The following STEAP2 variants were observed in gnomAD, a reference collection of about 807,000 sequenced individuals.
STEAP2 encodes metalloreductase STEAP2.
Under a neutral mutation model 46.4 loss-of-function variants are expected in STEAP2, and 30 were observed. The observed-to-expected ratio is 0.65, with a 90% CI of 0.48 to 0.88. The LOEUF is 0.88. Among genes scored for constraint, STEAP2 ranks in the 40% least tolerant of loss-of-function variants. The pLI is 0.00. For synonymous variants in STEAP2, 180 were observed against 200.5 expected (o/e 0.90, Z 0.86); for missense variants, 513 against 579.3 (o/e 0.89, Z 1.18).
chr7:90,228,925 A>G (rs1795619955), intron 4 of STEAP2, among the ~76,000 whole-genome samples: 1 of 152,184 alleles, frequency 6.6e-6, no homozygotes, highest in African/African-American at 2.4e-5. Context: ...AGATGATGGT[A>G]TGATTGCCTT....
Position 90,232,530 on chromosome 7 carries a change from G to A in STEAP2, c.1379G>A (p.Arg460Gln), listed in dbSNP as rs748377577. 2.4e-5 allele frequency: 39 copies of A among 1,613,500 alleles called. No individual in the cohort carries two copies. The highest frequency in any genetic ancestry group is 2.3e-4 in the African/African-American group (17 of 74,868). The change falls in exon 6 of 6, where the codon CGA becomes CAA. Residue 460 changes from arginine to glutamine, a missense_variant. Physicochemically the swap from Arg to Gln is conservative, Grantham distance 43. Transcript: ENST00000394621. ...FLPCISRKLKRIKKGWEKSQF... is the reference protein window; with the variant it reads ...FLPCISRKLKQIKKGWEKSQF... ...CCATGTATAAGCCGAAAGCTAAAAC[G>A]AATTAAAAAAGGCTGGGAAAAGAGC...
In STEAP2 at chr7:90,236,433, G is replaced by C; in HGVS notation, c.*3809G>C. The C allele has an allele frequency of 1.0e-6, 1 of 991,626 alleles. No homozygotes were observed. The highest frequency in any genetic ancestry group is 1.2e-6 in the Non-Finnish European group (1 of 834,046). The allele number at this position is 991,626 out of a possible 1,614,324, so 61.4% of individuals were successfully genotyped here. On this transcript the variant is annotated 3_prime_UTR_variant, in exon 6 of 6. Transcript: ENST00000394621. ...TACATAGTATAACACACCTCACAGT[G>C]TTAAGATTTATATTGTGAAATGAGA...
In STEAP2 at chr7:90,227,251, C is replaced by A; in HGVS notation, c.773C>A (p.Thr258Asn). 1 of 1,613,894 alleles carries A rather than the reference C, an allele frequency of 6.2e-7. No homozygotes were observed. Among genetic ancestry groups the A allele is most frequent in the Non-Finnish European group, 8.5e-7 (1 of 1,179,872 alleles). The change falls in exon 4 of 6, where the codon ACC becomes AAC. Residue 258 changes from threonine to asparagine, a missense_variant. Coordinates refer to ENST00000394621, the MANE Select transcript of STEAP2 (RefSeq NM_001244944.2). ...YKIPIEIVNK[T>N]LPIVAITLLS... is the part of the protein sequence containing the mutation. ...ATTCCTATAGAGATTGTGAATAAAACCTTACCTATAGTTGCCATTACTTTG... is the reference window on the plus strand; with the variant it reads ...ATTCCTATAGAGATTGTGAATAAAAACTTACCTATAGTTGCCATTACTTTG...
downstream of STEAP2, chr7:90,238,133 C>G (rs1028238839): frequency 6.5e-5 from 40 of 611,898 alleles, 1 homozygote; most frequent in Non-Finnish European, 7.2e-5. Context: ...TAAAGAGTTT[C>G]TGCTGCTGCT....
chr7:90,219,779 G>A (rs968601735), intron 2 of STEAP2, among the ~76,000 whole-genome samples: 1 of 152,168 alleles, frequency 6.6e-6, no homozygotes, highest in African/African-American at 2.4e-5. Context: ...CCAGGAGGGA[G>A]TGCGGTTATG....
chr7:90,227,023 C>G lies in STEAP2; in HGVS notation c.545C>G (p.Ala182Gly). The change falls in exon 4 of 6, where the codon GCC becomes GGC. Residue 182 changes from alanine (A) to glycine (G), a missense_variant. By Grantham distance (60) the Ala-to-Gly change is moderately conservative (BLOSUM62 0). Coordinates refer to ENST00000394621, the MANE Select transcript of STEAP2 (RefSeq NM_001244944.2). ...IQARQQVIELARQLNFIPIDL... is the reference protein window; with the variant it reads ...IQARQQVIELGRQLNFIPIDL... ...GCGCGACAACAGGTTATTGAACTTG[C>G]CCGCCAGTTGAATTTCATTCCCATT... The G allele has an allele frequency of 1.2e-6, 2 of 1,610,822 alleles. No individual in the cohort carries two copies. Among genetic ancestry groups the G allele is most frequent in the South Asian group, 2.2e-5 (2 of 90,354 alleles).
In STEAP2 at chr7:90,236,786, T is replaced by C; in HGVS notation, c.*4162T>C. On this transcript the variant is annotated 3_prime_UTR_variant, in exon 6 of 6. Transcript: ENST00000394621. ...AAATTAAGGCAGACTGTTTGGATTC[T>C]TCCAGTGGCCAGATGAGCTAAATTA... is the stretch of plus-strand genomic sequence containing the variant. 6.6e-7 allele frequency: 1 copy of C among 1,513,184 alleles called. No homozygotes were observed. 93.7% of individuals were successfully genotyped at this position (1,513,184 alleles called of 1,614,324 possible).
chr7:90,234,951 T>A lies in STEAP2; in HGVS notation c.*2327T>A, dbSNP rs1364981285. ...TTGTTAGTTCTTGGTAGGAATTCAGTTGGGCAATGATAACTTTTATGGGCA... is the reference window on the plus strand; with the variant it reads ...TTGTTAGTTCTTGGTAGGAATTCAGATGGGCAATGATAACTTTTATGGGCA... On this transcript the variant is annotated 3_prime_UTR_variant, in exon 6 of 6. Transcript: ENST00000394621. The A allele has an allele frequency of 1.0e-6, 1 of 982,470 alleles. No individual in the cohort carries two copies. Among genetic ancestry groups the A allele is most frequent in the Non-Finnish European group, 1.2e-6 (1 of 827,374 alleles). The allele number at this position is 982,470 out of a possible 1,614,324, so 60.9% of individuals were successfully genotyped here.
At position 90,235,510 on chromosome 7, in the gene STEAP2, G is replaced by A. The variant is rs1255608566; in HGVS notation, c.*2886G>A. On this transcript the variant is annotated 3_prime_UTR_variant, in exon 6 of 6. Transcript: ENST00000394621. ...TATTGCTAGGTGTGAGAAAGTGGTG[G>A]TGAGAACCTTAGAGCAGTGGAGATT... 3 of 985,056 alleles carry A rather than the reference G, an allele frequency of 3.0e-6. No individual in the cohort carries two copies. Among genetic ancestry groups the A allele is most frequent in the Admixed American group, 1.2e-4 (2 of 16,222 alleles). 61.0% of individuals were successfully genotyped at this position (985,056 alleles called of 1,614,324 possible).
rs140596205 is a variant in STEAP2, at chr7:90,228,767, A to T, written c.1021-1105A>T. Among the ~76,000 whole-genome samples, 9 of 152,242 alleles carry T rather than the reference A, an allele frequency of 5.9e-5. No individual in the cohort carries two copies. In the East Asian group the frequency reaches 1.7e-3, roughly 29 times the overall value. ...AGATTTGAGCCTAGACATTGTGGAC[A>T]CTCAAACAGCCCATTTGTGGATGAA... On this transcript the variant is annotated intron_variant, in intron 4 of 5. Coordinates refer to ENST00000394621, the MANE Select transcript of STEAP2 (RefSeq NM_001244944.2).
chr7:90,227,607 A>G (rs1273420835), intron 4 of STEAP2, 109 bp downstream of exon 4: 3 of 1,093,128 alleles, frequency 2.7e-6, no homozygotes, highest in Admixed American at 3.2e-5. Flanking sequence ...TGATTTTGGT[A>G]TACTGCGGGA....
At position 90,233,243 on chromosome 7, in the gene STEAP2, A is replaced by T. The variant is rs1472207298; in HGVS notation, c.*619A>T. 2 of 940,272 alleles carry T rather than the reference A, an allele frequency of 2.1e-6. No individual in the cohort carries two copies. The highest frequency in any genetic ancestry group is 3.6e-5 in the African/African-American group (2 of 56,218). The allele number at this position is 940,272 out of a possible 1,614,324, so 58.2% of individuals were successfully genotyped here. A position where few individuals can be genotyped will look rare whatever the true frequency, so the allele number is the denominator to read the frequency against. On this transcript the variant is annotated 3_prime_UTR_variant, in exon 6 of 6. Transcript: ENST00000394621. The stretch of plus-strand genomic sequence containing the variant: ...AAACCTGAAATTATATTTAAAATAT[A>T]TTTGAGACATGAAATACATACTGAT...
At chr7:90,215,751 A>T (rs1278202321) in intron 1 of STEAP2, 2 of 152,112 alleles carry the variant, frequency 1.3e-5, no homozygotes, top group African/African-American at 4.8e-5. Flanking sequence ...ATGAAGACAA[A>T]ACTTTCTATA....
the STEAP2 span, among the ~76,000 whole-genome samples, chr7:90,243,241 TGAG>T: frequency 2.0e-5 from 3 of 152,270 alleles, no homozygotes; most frequent in Admixed American, 2.0e-4. Flanking sequence ...ATTCTAGAAA[TGAG>T]GAGAGAAGCT....
chr7:90,225,726 C>A (rs924127314), intron 3 of STEAP2, 152 bp downstream of exon 3: 2 of 872,658 alleles, frequency 2.3e-6, no homozygotes, highest in Non-Finnish European at 3.3e-6. Flanking sequence ...ATGTCCTGAC[C>A]TTGTAAGGGC....
chr7:90,232,887 CT>C lies in STEAP2; in HGVS notation c.*266del, dbSNP rs1263229136. 20 of 1,067,682 alleles carry C rather than the reference CT, an allele frequency of 1.9e-5. No individual in the cohort carries two copies. The African/African-American group carries it at 3.0e-4, about 16-fold the overall frequency. 66.1% of individuals were successfully genotyped at this position (1,067,682 alleles called of 1,614,324 possible). On this transcript the variant is annotated 3_prime_UTR_variant, in exon 6 of 6. Coordinates refer to ENST00000394621, the MANE Select transcript of STEAP2 (RefSeq NM_001244944.2). ...TTGCACAACTGTAACCCTGTTGTTA[CT>C]TTATATTTCATAATCAGGCAAAAAT...
chr7:90,220,019 G>A (rs1320148825), intron 2 of STEAP2, among the ~76,000 whole-genome samples: 2 of 152,170 alleles, frequency 1.3e-5, no homozygotes, highest in Admixed American at 1.3e-4. Flanking sequence ...AAGCCATCAT[G>A]TCTGGCCCTT....
chr7:90,233,476 CT>C lies in STEAP2; in HGVS notation c.*855del. 1 of 985,360 alleles carries C rather than the reference CT, an allele frequency of 1.0e-6. No homozygotes were observed. The highest frequency in any genetic ancestry group is 1.2e-6 in the Non-Finnish European group (1 of 829,932). 61.0% of individuals were successfully genotyped at this position (985,360 alleles called of 1,614,324 possible). ...GCACACAAGTAATCTGCCAGCTGAC[CT>C]TTGTCGCACCTTAACCAGTCACCAC... On this transcript the variant is annotated 3_prime_UTR_variant, in exon 6 of 6. Coordinates refer to ENST00000394621, the MANE Select transcript of STEAP2 (RefSeq NM_001244944.2).
At chr7:90,213,875 T>C (rs964775924) in intron 1 of STEAP2, 6 of 152,234 alleles carry the variant, frequency 3.9e-5, no homozygotes, top group Admixed American at 3.9e-4. Flanking sequence ...ATAAAGTGGT[T>C]GTTGTTTTCT....
Sources: gnomAD v4.1 joint callset for allele counts (sites outside exome capture counted in the v4.1 genomes callset) on GRCh38, gnomAD v4.1.1 for gene constraint, MANE v1.5 for transcripts, NCBI Gene and HGNC (gene_info 2026-07-23, HGNC 2026-07-21) for gene names.